The following EVL variants were observed in gnomAD, a reference collection of about 807,000 sequenced individuals.
EVL encodes the protein ena/VASP-like protein.
EVL carries 21 observed loss-of-function variants against 59.6 expected under a neutral mutation model. The ratio of observed to expected loss-of-function variants is 0.35; its 90% CI spans 0.25 to 0.51. The LOEUF (loss-of-function observed/expected upper bound fraction) is 0.51. Ranked by LOEUF, EVL falls within the 20% of genes least tolerant of loss-of-function variation. The pLI is 0.97. For synonymous variants in EVL, 198 were observed against 203.5 expected, an observed-to-expected ratio of 0.97 and a Z score of 0.23; for missense variants, 462 against 546.6, an observed-to-expected ratio of 0.85 and a Z score of 1.54.
intron 1 of EVL, among the ~76,000 whole-genome samples, chr14:100,060,311 G>T (rs901159502): frequency 6.6e-6 from 1 of 151,718 alleles, no homozygotes; most frequent in Non-Finnish European, 1.5e-5. Flanking sequence ...GGCGCCTGTA[G>T]TCCCAGCTAC....
At position 100,137,743 on chromosome 14, in the gene EVL, C is replaced by A. The variant is rs1272219350; in HGVS notation, c.1035C>A (p.Thr345=). 6.2e-7 allele frequency: 1 copy of A among 1,613,990 alleles called. No homozygotes were observed. Among genetic ancestry groups the A allele is most frequent in the Non-Finnish European group, 8.5e-7 (1 of 1,180,020 alleles). ...EKPVSSILSR[T]PSVAKSPEAK... ...CTGTTTCATTCCATTGCCGTAGAACCCCGTCTGTGGCAAAGAGCCCCGAAG... is the reference window on the plus strand; with the variant it reads ...CTGTTTCATTCCATTGCCGTAGAACACCGTCTGTGGCAAAGAGCCCCGAAG... The change falls in exon 11 of 14, where the codon ACC becomes ACA. Residue 345 remains threonine, a synonymous_variant. Coordinates refer to ENST00000392920, the MANE Select transcript of EVL (RefSeq NM_016337.3).
chr14:100,066,600 G>C (rs1243466391), intron 1 of EVL: 3 of 152,180 alleles, frequency 2.0e-5, no homozygotes. Context: ...TAACTTTAGA[G>C]GACTCGTGAG....
chr14:100,051,136 C>T (rs1176169190), intron 1 of EVL, among the ~76,000 whole-genome samples: 1 of 152,114 alleles, frequency 6.6e-6, no homozygotes, highest in Non-Finnish European at 1.5e-5. Context: ...CAACTTTGTT[C>T]CAGAAAAATT....
Position 100,114,171 on chromosome 14 carries a change from G to GGT in EVL, c.359-9367_359-9366insTG, listed in dbSNP as rs1555360115. 3.5e-5 allele frequency among the ~76,000 whole-genome samples: 1 copy of GGT among 28,970 alleles called. No homozygotes were observed. Among genetic ancestry groups the GGT allele is most frequent in the Non-Finnish European group, 1.3e-4 (1 of 7,966 alleles). 19.0% of individuals were successfully genotyped at this position (28,970 alleles called of 152,430 possible). A position where few individuals can be genotyped will look rare whatever the true frequency, so the allele number is the denominator to read the frequency against. ...GCAAGGAGCGAAGCGAAGGAGGGCCGGGGGGGAATCAAATGAGCCTTACTT... is the reference window on the plus strand; with the variant it reads ...GCAAGGAGCGAAGCGAAGGAGGGCCGGTGGGGGGAATCAAATGAGCCTTACTT... On this transcript the variant is annotated intron_variant, in intron 3 of 13. Transcript: ENST00000392920. This position sits in a 1 kb window ranked among gnomAD's most constrained non-coding sequence, Gnocchi z 5.0.
intron 11 of EVL, chr14:100,138,018 C>G (rs1888920464): frequency 1.7e-6 from 1 of 604,096 alleles, no homozygotes; most frequent in Admixed American, 2.9e-5. Context: ...GCAAGGAGGG[C>G]AGTGACCTGT....
At chr14:99,990,734 A>C (rs1256627819) in intron 1 of EVL, among the ~76,000 whole-genome samples, 1 of 152,098 alleles carries the variant, frequency 6.6e-6, no homozygotes, top group African/African-American at 2.4e-5. Flanking sequence ...GAGAGATGCT[A>C]CTTTTTAAAC....
At position 100,141,762 on chromosome 14, in the gene EVL, GC is replaced by G; in HGVS notation, c.1189del (p.Leu397SerfsTer4). On this transcript the variant is annotated frameshift_variant, in exon 13 of 14. Coordinates refer to ENST00000392920, the MANE Select transcript of EVL (RefSeq NM_016337.3). LOFTEE classifies it high-confidence loss of function. ...AGATCCTAGAGGAGGTGGTGAGAGA[GC>G]TCCACAAGGTGAAGGAGGAGATCAT... ...QEILEEVVRELHKVKEEIIDA... is the reference protein window; with the variant it reads ...QEILEEVVREXHKVKEEIIDA... 6.2e-7 allele frequency: 1 copy of G among 1,613,536 alleles called. No homozygotes were observed. Among genetic ancestry groups the G allele is most frequent in the Non-Finnish European group, 8.5e-7 (1 of 1,179,954 alleles).
At chr14:100,143,321 C>T (rs1300264519) in intron 13 of EVL, among the ~76,000 whole-genome samples, 1 of 152,010 alleles carries the variant, frequency 6.6e-6, no homozygotes, top group Admixed American at 6.5e-5. Context: ...GCTCCCGGGC[C>T]CCCGGCACCT....
intron 1 of EVL, among the ~76,000 whole-genome samples, chr14:100,076,395 C>A (rs2062161467): frequency 6.6e-6 from 1 of 152,204 alleles, no homozygotes; most frequent in Admixed American, 6.5e-5. Context: ...AGAACTGTGG[C>A]CTAAGTCCTC....
chr14:100,019,592 G>C (rs2061085338), intron 1 of EVL: 1 of 1,359,940 alleles, frequency 7.4e-7, no homozygotes, highest in Non-Finnish European at 9.9e-7. Flanking sequence ...TGCACCATCT[G>C]ACTAACTAAA....
At chr14:100,143,582 C>T (rs962020643) in intron 13 of EVL, 119 bp from the exon 14 acceptor site, 12 of 1,274,416 alleles carry the variant, frequency 9.4e-6, no homozygotes, top group Non-Finnish European at 1.2e-5. Flanking sequence ...GGTGGGGCTC[C>T]CAGGAGATGG....
chr14:100,099,993 A>C (rs1886099728), intron 3 of EVL, among the ~76,000 whole-genome samples: 1 of 90,222 alleles, frequency 1.1e-5, no homozygotes, highest in African/African-American at 4.5e-5. Context: ...ACATGCAGAT[A>C]CCTTGGGGGC....
chr14:100,086,961 T>G (rs1326615693), intron 2 of EVL, among the ~76,000 whole-genome samples: 1 of 152,258 alleles, frequency 6.6e-6, no homozygotes, highest in Non-Finnish European at 1.5e-5. Flanking sequence ...GGGACCTCAG[T>G]AGAAAGACTG....
In EVL at chr14:100,084,755, C is replaced by A; in HGVS notation, c.80C>A (p.Pro27Gln). Residue 27 changes from proline (P) to glutamine (Q), a missense_variant, in exon 2 of 14, where the codon CCA becomes CAA. By Grantham distance (76) the Pro-to-Gln change is moderately conservative. Coordinates refer to ENST00000392920, the MANE Select transcript of EVL (RefSeq NM_016337.3). ...VYDDTSKKWV[P>Q]IKPGQQGFSR... ...GATGACACCAGTAAGAAATGGGTAC[C>A]AATCAAACCTGGCCAGCAGGGATTC... 6.2e-7 allele frequency: 1 copy of A among 1,614,162 alleles called. No individual in the cohort carries two copies. Among genetic ancestry groups the A allele is most frequent in the South Asian group, 1.1e-5 (1 of 91,072 alleles).
intron 2 of EVL, among the ~76,000 whole-genome samples, chr14:100,091,545 G>C: frequency 6.6e-6 from 1 of 152,326 alleles, no homozygotes; most frequent in East Asian, 1.9e-4. Flanking sequence ...TCCTGGAGGG[G>C]GGGCAGGCCT....
chr14:100,121,300 C>T (rs567642238), intron 3 of EVL, among the ~76,000 whole-genome samples: 156 of 152,272 alleles, frequency 1.0e-3, no homozygotes, highest in Admixed American at 2.4e-3. Context: ...CCGACTGCCA[C>T]GGGGAAGCTG....
At chr14:100,039,336 A>G (rs1199327202) in intron 1 of EVL, among the ~76,000 whole-genome samples, 1 of 152,158 alleles carries the variant, frequency 6.6e-6, no homozygotes, top group Non-Finnish European at 1.5e-5. Context: ...TCCCAGATTC[A>G]AGTGATTCTC....
chr14:100,122,275 C>T lies in EVL; in HGVS notation c.359-1264C>T, dbSNP rs373433838. Among the ~76,000 whole-genome samples the T allele has an allele frequency of 3.9e-5, 6 of 152,306 alleles. 1 individual carries two copies. The highest frequency in any genetic ancestry group is 1.2e-4 in the African/African-American group (5 of 41,568). ...CTGTCTGATTGAGTTTAAGAAAGAA[C>T]GTGGCATTTGCAGTTGGTTTGCATC... On this transcript the variant is annotated intron_variant, in intron 3 of 13. Coordinates refer to ENST00000392920, the MANE Select transcript of EVL (RefSeq NM_016337.3).
intron 1 of EVL, among the ~76,000 whole-genome samples, chr14:99,989,935 CCTT>C (rs1299194576): frequency 5.9e-5 from 9 of 152,150 alleles, no homozygotes; most frequent in African/African-American, 1.7e-4. Flanking sequence ...GTTATTTCTT[CCTT>C]CTTCTTATAC....
Sources: gnomAD v4.1 joint callset for allele counts (sites outside exome capture counted in the v4.1 genomes callset) on GRCh38, gnomAD v4.1.1 for gene constraint, Gnocchi (gnomAD v3.1) non-coding constraint, MANE v1.5 for transcripts, NCBI Gene and HGNC (gene_info 2026-07-23, HGNC 2026-07-21) for gene names.